The following CLIC4 variants were observed in gnomAD, a reference collection of about 807,000 sequenced individuals.
CLIC4 encodes chloride intracellular channel protein 4.
CLIC4 carries 13 observed loss-of-function variants against 24.6 expected under a neutral mutation model. The ratio of observed to expected loss-of-function variants is 0.53; its 90% CI spans 0.34 to 0.84. The LOEUF (loss-of-function observed/expected upper bound fraction) is 0.84. CLIC4 is among the 40% of genes least tolerant of loss of function. CLIC4 has a pLI of 0.01. For synonymous variants in CLIC4, 104 were observed against 111.3 expected (o/e 0.93, Z 0.41); for missense variants, 227 against 301.7 (o/e 0.75, Z 1.83).
intron 1 of CLIC4, among the ~76,000 whole-genome samples, chr1:24,784,756 A>G (rs1455046133): frequency 6.6e-6 from 1 of 152,172 alleles, no homozygotes; most frequent in African/African-American, 2.4e-5. Context: ...CTGTAATCCC[A>G]GCACTTTGGG....
intron 1 of CLIC4, among the ~76,000 whole-genome samples, chr1:24,781,377 C>T (rs375694305): frequency 4.7e-4 from 71 of 151,156 alleles, no homozygotes; most frequent in African/African-American, 1.6e-3. Flanking sequence ...CTCCTGACCT[C>T]GTGATCCATC....
At chr1:24,789,344 C>T (rs1639307145) in intron 1 of CLIC4, among the ~76,000 whole-genome samples, 1 of 152,110 alleles carries the variant, frequency 6.6e-6, no homozygotes, top group South Asian at 2.1e-4. Flanking sequence ...ATGGTGAAAC[C>T]CTGTCTCTAC....
intron 2 of CLIC4, among the ~76,000 whole-genome samples, chr1:24,800,354 G>C (rs1639471109): frequency 4.0e-5 from 5 of 125,920 alleles, no homozygotes; most frequent in Admixed American, 3.8e-4. Flanking sequence ...GGGGGGGTCA[G>C]CCCCCCACCC....
intron 3 of CLIC4, among the ~76,000 whole-genome samples, chr1:24,819,814 A>G (rs1363086599): frequency 1.3e-5 from 2 of 149,560 alleles, no homozygotes; most frequent in African/African-American, 2.5e-5. Context: ...ATCTCGACTC[A>G]CTGCAACCTC....
chr1:24,766,569 TCTCAGCTCA>T (rs1158770638), intron 1 of CLIC4, among the ~76,000 whole-genome samples: 1 of 130,728 alleles, frequency 7.6e-6, no homozygotes, highest in Non-Finnish European at 1.6e-5. Context: ...AGTGGCACAA[TCTCAGCTCA>T]CTGCAACCTC....
At chr1:24,813,836 A>G (rs1639641317) in intron 2 of CLIC4, among the ~76,000 whole-genome samples, 1 of 151,926 alleles carries the variant, frequency 6.6e-6, no homozygotes. Flanking sequence ...CTTCCACCTC[A>G]GCCTCCCTGG....
chr1:24,771,398 C>T (rs1387586265), intron 1 of CLIC4, among the ~76,000 whole-genome samples: 4 of 152,196 alleles, frequency 2.6e-5, no homozygotes, highest in Non-Finnish European at 2.9e-5. Context: ...ATTTTTGTTC[C>T]AGGCTAGAAT....
At chr1:24,771,891 G>A (rs766677212) in intron 1 of CLIC4, 2 of 513,000 alleles carry the variant, frequency 3.9e-6, no homozygotes. Context: ...TCTGTCAAGT[G>A]GGTGTATTTC....
Position 24,827,038 on chromosome 1 carries a change from G to T in CLIC4, c.337G>T (p.Glu113Ter). The T allele has an allele frequency of 1.2e-6, 2 of 1,610,194 alleles. No individual in the cohort carries two copies. Among genetic ancestry groups the T allele is most frequent in the South Asian group, 2.2e-5 (2 of 90,272 alleles). The change falls in exon 4 of 6, where the codon GAA becomes TAA. Residue 113 changes from glutamate to a stop codon, truncating the protein, a stop_gained. Transcript: ENST00000374379. LOFTEE classifies it high-confidence loss of function. ...CTTAAAGCTTTCACCAAAACACCCAGAATCAAATACTGCTGGAATGGACAT... is the reference window on the plus strand; with the variant it reads ...CTTAAAGCTTTCACCAAAACACCCATAATCAAATACTGCTGGAATGGACAT... ...KYLKLSPKHP[E>*]SNTAGMDIFA...
At chr1:24,820,267 C>CTTTTTTT (rs372726009) in intron 3 of CLIC4, among the ~76,000 whole-genome samples, 2 of 49,762 alleles carry the variant, frequency 4.0e-5, no homozygotes, top group African/African-American at 9.0e-5. Flanking sequence ...CCTTTTTGGT[C>CTTTTTTT]TTTTTTTTTT....
intron 4 of CLIC4, among the ~76,000 whole-genome samples, chr1:24,834,974 G>A (rs1375599056): frequency 8.3e-6 from 1 of 120,728 alleles, no homozygotes; most frequent in African/African-American, 3.1e-5. Flanking sequence ...AGGGAGACGG[G>A]AGAGGGAGAG....
intron 1 of CLIC4, among the ~76,000 whole-genome samples, chr1:24,782,684 A>G (rs1438837776): frequency 6.6e-6 from 1 of 152,154 alleles, no homozygotes; most frequent in African/African-American, 2.4e-5. Flanking sequence ...ATACTTACAG[A>G]CAAGTTACAA....
At chr1:24,808,293 G>C (rs1166475925) in intron 2 of CLIC4, among the ~76,000 whole-genome samples, 2 of 152,096 alleles carry the variant, frequency 1.3e-5, no homozygotes, top group Non-Finnish European at 2.9e-5. Context: ...AGGACCCCTG[G>C]TGGATACCAA....
chr1:24,774,897 C>T (rs1295717125), intron 1 of CLIC4, among the ~76,000 whole-genome samples: 1 of 152,022 alleles, frequency 6.6e-6, no homozygotes, highest in Non-Finnish European at 1.5e-5. Context: ...ATGGTGAAAA[C>T]CTGACTCTAC....
chr1:24,763,983 C>T (rs1331158740), intron 1 of CLIC4, among the ~76,000 whole-genome samples: 1 of 152,202 alleles, frequency 6.6e-6, no homozygotes, highest in African/African-American at 2.4e-5. Flanking sequence ...AATAGGCATT[C>T]AGTAAGTCTT....
chr1:24,798,159 G>A (rs1057312661), intron 2 of CLIC4, among the ~76,000 whole-genome samples: 2 of 152,206 alleles, frequency 1.3e-5, no homozygotes, highest in Non-Finnish European at 2.9e-5. Flanking sequence ...TAAACATGGA[G>A]TCATGAAGAG....
At chr1:24,837,310 A>C (rs752707408) in intron 4 of CLIC4, among the ~76,000 whole-genome samples, 6 of 152,206 alleles carry the variant, frequency 3.9e-5, no homozygotes, top group Non-Finnish European at 5.9e-5. Context: ...TATAATTTTG[A>C]AACTATTGGA....
intron 1 of CLIC4, among the ~76,000 whole-genome samples, chr1:24,777,161 A>G (rs1453167641): frequency 1.3e-5 from 2 of 152,122 alleles, no homozygotes; most frequent in African/African-American, 2.4e-5. Flanking sequence ...ACTTAGCTCT[A>G]TTGATGCAGC....
At chr1:24,816,115 C>G (rs1557811139) in intron 3 of CLIC4, among the ~76,000 whole-genome samples, 1 of 152,086 alleles carries the variant, frequency 6.6e-6, no homozygotes, top group Non-Finnish European at 1.5e-5. Flanking sequence ...ATATGTAGTT[C>G]CTCCCTCCAC....
Sources: allele counts gnomAD v4.1 joint callset (sites outside exome capture counted in the v4.1 genomes callset), GRCh38; gene constraint gnomAD v4.1.1; transcripts MANE v1.5; gene names NCBI Gene and HGNC (gene_info 2026-07-23, HGNC 2026-07-21).